The following CERK variants were observed in gnomAD, a reference collection of about 807,000 sequenced individuals.
CERK encodes the protein acylsphingosine kinase.
Under a neutral mutation model 63.4 loss-of-function variants are expected in CERK, and 39 were observed. The observed-to-expected ratio is 0.61, with a 90% CI of 0.48 to 0.80. The LOEUF is 0.80. Among genes scored for constraint, CERK ranks in the 30% least tolerant of loss-of-function variants. CERK has a pLI of 0.00. For synonymous variants in CERK, 302 were observed against 280.0 expected (o/e 1.08, Z -0.78); for missense variants, 670 against 714.1 (o/e 0.94, Z 0.70).
chr22:46,700,004 G>A (rs1397289146), intron 7 of CERK, among the ~76,000 whole-genome samples: 3 of 152,178 alleles, frequency 2.0e-5, no homozygotes, highest in Non-Finnish European at 2.9e-5. Context: ...CAGGAGAATC[G>A]CTTGAACCCG....
intron 3 of CERK, among the ~76,000 whole-genome samples, chr22:46,713,547 A>G (rs545950466): frequency 6.6e-6 from 1 of 151,362 alleles, no homozygotes; most frequent in South Asian, 2.1e-4. Flanking sequence ...ACAAAAAAAC[A>G]CAGACACAAA....
Position 46,707,830 on chromosome 22 carries a change from G to A in CERK, c.715+13C>T. On this transcript the variant is annotated intron_variant, in intron 6 of 12. Coordinates refer to ENST00000216264, the MANE Select transcript of CERK (RefSeq NM_022766.6). ...GAACGAAGAGAACAGAGAATGCCAG[G>A]CCGGCTCCATACCTGCGGGAATGAT... 1 of 1,598,330 alleles carries A rather than the reference G, an allele frequency of 6.3e-7. No homozygotes were observed. Among genetic ancestry groups the A allele is most frequent in the Non-Finnish European group, 8.6e-7 (1 of 1,169,240 alleles).
Position 46,732,133 on chromosome 22 carries a change from G to A in CERK, c.142+5874C>T, listed in dbSNP as rs1347333688. On this transcript the variant is annotated intron_variant, in intron 1 of 12. Transcript: ENST00000216264. ...CAGCCGAATCGAGAACCCAGCAGAC[G>A]TGTGGGATCCGGACAGCCGAATCGA... Among the ~76,000 whole-genome samples, 3 of 152,164 alleles carry A rather than the reference G, an allele frequency of 2.0e-5. No individual in the cohort carries two copies. The East Asian group carries it at 5.8e-4, about 29-fold the overall frequency.
At chr22:46,724,853 A>C (rs1235191001) in intron 1 of CERK, among the ~76,000 whole-genome samples, 1 of 152,092 alleles carries the variant, frequency 6.6e-6, no homozygotes, top group Non-Finnish European at 1.5e-5. Flanking sequence ...CCCCGACTCT[A>C]CTAAAAATAC....
chr22:46,685,825 T>C lies in CERK; in HGVS notation c.*1309A>G, dbSNP rs953754857. ...TGGATGCTGCCTGTTAAACATGAAATCACTAAGGGAGCTTCTGCAAAACCC... is the reference window on the plus strand; with the variant it reads ...TGGATGCTGCCTGTTAAACATGAAACCACTAAGGGAGCTTCTGCAAAACCC... On this transcript the variant is annotated 3_prime_UTR_variant, in exon 13 of 13. Transcript: ENST00000216264. 4 of 152,130 alleles carry C rather than the reference T, an allele frequency of 2.6e-5. No homozygotes were observed. The highest frequency in any genetic ancestry group is 5.9e-5 in the Non-Finnish European group (4 of 68,038). The allele number at this position is 152,130 out of a possible 1,614,324, so 9.4% of individuals were successfully genotyped here.
intron 9 of CERK, among the ~76,000 whole-genome samples, chr22:46,694,401 A>T (rs1323712913): frequency 1.3e-5 from 2 of 152,166 alleles, no homozygotes; most frequent in African/African-American, 2.4e-5. Flanking sequence ...AGGTGAAAGG[A>T]GTCCCTGCTT....
At chr22:46,733,559 G>A (rs1297645969) in intron 1 of CERK, among the ~76,000 whole-genome samples, 1 of 151,544 alleles carries the variant, frequency 6.6e-6, no homozygotes, top group Admixed American at 6.6e-5. Flanking sequence ...CTCCCAAAGT[G>A]CTGGGATTAC....
chr22:46,693,825 G>C, intron 9 of CERK: 1 of 364,572 alleles, frequency 2.7e-6, no homozygotes, highest in Non-Finnish European at 5.3e-6. Flanking sequence ...CTGAGGCACT[G>C]GTTCCCCCAG....
At chr22:46,701,930 CA>C (rs1269299957) in intron 6 of CERK, among the ~76,000 whole-genome samples, 18 of 152,238 alleles carry the variant, frequency 1.2e-4, no homozygotes, top group Admixed American at 6.5e-4. Context: ...CCTGTCATCC[CA>C]GCACTTTGAG....
At position 46,720,136 on chromosome 22, in the gene CERK, T is replaced by C; in HGVS notation, c.329A>G (p.Gln110Arg). The change falls in exon 3 of 13, where the codon CAG becomes CGG. Residue 110 changes from glutamine (Q) to arginine (R), a missense_variant. Gln to Arg is a conservative substitution (Grantham distance 43). Coordinates refer to ENST00000216264, the MANE Select transcript of CERK (RefSeq NM_022766.6). The stretch of plus-strand genomic sequence containing the variant: ...GGTCTGCAGCCACAAGTGACACAGC[T>C]GCTCCTCTGGACACCAGAAAGTCAC... ...AQVTFWCPEE[Q>R]LCHLWLQTLR... is the part of the protein sequence containing the mutation. The C allele has an allele frequency of 6.2e-7, 1 of 1,614,146 alleles. No individual in the cohort carries two copies. The highest frequency in any genetic ancestry group is 8.5e-7 in the Non-Finnish European group (1 of 1,180,028).
Position 46,693,518 on chromosome 22 carries a change from TATC to T in CERK, c.1050-18_1050-16del. On this transcript the variant is annotated splice_polypyrimidine_tract_variant and intron_variant, in intron 9 of 12. Transcript: ENST00000216264. ...AAACAAAGCATCTGAAAGACAAGAA[TATC>T]ATCACCTTTTAAATATGGAGCTGCA... 1 of 1,609,616 alleles carries T rather than the reference TATC, an allele frequency of 6.2e-7. No individual in the cohort carries two copies. Among genetic ancestry groups the T allele is most frequent in the Non-Finnish European group, 8.5e-7 (1 of 1,175,988 alleles).
chr22:46,694,224 C>T (rs1420789), intron 9 of CERK, among the ~76,000 whole-genome samples: 16,639 of 152,214 alleles, frequency 0.11, 1,004 homozygotes, highest in Admixed American at 0.17. Context: ...GCCCCGTGTC[C>T]TCAGCCCCAG....
intron 6 of CERK, among the ~76,000 whole-genome samples, chr22:46,703,768 CGT>C (rs1301421629): frequency 6.6e-6 from 1 of 152,174 alleles, no homozygotes; most frequent in Non-Finnish European, 1.5e-5. Context: ...CAGAGTCAGA[CGT>C]CACCCCCTGC....
chr22:46,700,765 A>G (rs2082779341), intron 7 of CERK, among the ~76,000 whole-genome samples: 1 of 152,008 alleles, frequency 6.6e-6, no homozygotes, highest in South Asian at 2.1e-4. Flanking sequence ...TAATCCCAAC[A>G]CTTTGGAAGG....
intron 3 of CERK, among the ~76,000 whole-genome samples, chr22:46,717,637 G>A (rs544078103): frequency 3.0e-4 from 45 of 152,326 alleles, no homozygotes; most frequent in African/African-American, 9.9e-4. Context: ...TTTAGAAGTC[G>A]CAGCAGTGGT....
chr22:46,720,822 C>T (rs898545945), intron 2 of CERK, 80 bp downstream of exon 2: 1 of 863,700 alleles, frequency 1.2e-6, no homozygotes, highest in Non-Finnish European at 2.0e-6. Flanking sequence ...GCTTGTTAAA[C>T]AAGTAACAGA....
At chr22:46,716,814 C>T (rs778628684) in intron 3 of CERK, among the ~76,000 whole-genome samples, 38 of 151,894 alleles carry the variant, frequency 2.5e-4, no homozygotes, top group African/African-American at 5.1e-4. Context: ...TGGTGGCACA[C>T]GCCTGTAGTC....
intron 3 of CERK, 38 bp from the exon 4 acceptor site, chr22:46,712,331 CA>C (rs780018413): frequency 8.1e-6 from 13 of 1,603,416 alleles, no homozygotes; most frequent in Non-Finnish European, 1.1e-5. Flanking sequence ...ACGAAAATAA[CA>C]AAATCAAAAC....
At chr22:46,730,966 A>C (rs2082942502) in intron 1 of CERK, among the ~76,000 whole-genome samples, 1 of 152,240 alleles carries the variant, frequency 6.6e-6, no homozygotes, top group Non-Finnish European at 1.5e-5. Context: ...AACCTACCCC[A>C]GAAAAAAACG....
Sources: allele counts gnomAD v4.1 joint callset (sites outside exome capture counted in the v4.1 genomes callset), GRCh38; gene constraint gnomAD v4.1.1; transcripts MANE v1.5; gene names NCBI Gene and HGNC (gene_info 2026-07-23, HGNC 2026-07-21).